Variants in EPHA6 observed in about 807,000 individuals in gnomAD.
The protein encoded by EPHA6 is EPH receptor A6, also known as ephrin type-A receptor 6.
Under a neutral mutation model 112.0 loss-of-function variants are expected in EPHA6, and 50 were observed. The observed-to-expected ratio is 0.45, with a 90% CI of 0.36 to 0.56. EPHA6 has a LOEUF of 0.56. EPHA6 is among the 20% of genes least tolerant of loss of function. EPHA6 has a pLI of 0.00. For missense variants in EPHA6, 1,280 were observed against 1,417.4 expected, an observed-to-expected ratio of 0.90 and a Z score of 1.56; for synonymous variants, 529 against 490.7, an observed-to-expected ratio of 1.08 and a Z score of -1.03.
At chr3:97,566,389 C>T (rs752395677) in intron 11 of EPHA6, among the ~76,000 whole-genome samples, 1 of 152,176 alleles carries the variant, frequency 6.6e-6, no homozygotes, top group Non-Finnish European at 1.5e-5. Flanking sequence ...TATATCAGTA[C>T]TCAACCTATC....
chr3:97,732,554 C>A, intron 15 of EPHA6, among the ~76,000 whole-genome samples: 1 of 152,114 alleles, frequency 6.6e-6, no homozygotes, highest in African/African-American at 2.4e-5. Flanking sequence ...ATTTAAAAAT[C>A]TGTTAGAAAC....
At chr3:97,025,858 G>A (rs1449840327) in intron 3 of EPHA6, among the ~76,000 whole-genome samples, 1 of 152,094 alleles carries the variant, frequency 6.6e-6, no homozygotes, top group African/African-American at 2.4e-5. Context: ...AAAGTGCTGG[G>A]ATTTCAGGTC....
rs149925309 is a variant in EPHA6 at position 97,142,723 on chromosome 3, A to G, written c.1115-83541A>G. On this transcript the variant is annotated intron_variant, in intron 3 of 17. Coordinates refer to ENST00000389672, the MANE Select transcript of EPHA6 (RefSeq NM_001080448.3). The stretch of plus-strand genomic sequence containing the variant: ...CCAGACCAAATGGATTCACAGCCCA[A>G]TCTTACCAGACTATCTATCTCAATA... Among the ~76,000 whole-genome samples, 134 of 152,008 alleles carry G rather than the reference A, an allele frequency of 8.8e-4. 1 individual carries two copies. Among genetic ancestry groups the G allele is most frequent in the African/African-American group, 3.0e-3 (123 of 41,534 alleles).
At chr3:96,841,467 C>T (rs539179570) in intron 1 of EPHA6, among the ~76,000 whole-genome samples, 5 of 152,076 alleles carry the variant, frequency 3.3e-5, no homozygotes, top group South Asian at 2.1e-4. Context: ...ATTTTCTAGC[C>T]GGCTTTGTGG....
At chr3:97,178,736 T>A (rs866697768) in intron 3 of EPHA6, among the ~76,000 whole-genome samples, 1 of 152,170 alleles carries the variant, frequency 6.6e-6, no homozygotes, top group Non-Finnish European at 1.5e-5. Context: ...CTCCATTGTA[T>A]GTTATTCGTT....
chr3:97,229,989 T>TA (rs2078476723), intron 4 of EPHA6, among the ~76,000 whole-genome samples: 1 of 152,134 alleles, frequency 6.6e-6, no homozygotes, highest in African/African-American at 2.4e-5. Context: ...ATCTTCCTAT[T>TA]ACTATACATG....
At chr3:97,209,626 A>G (rs1337103411) in intron 3 of EPHA6, among the ~76,000 whole-genome samples, 1 of 152,338 alleles carries the variant, frequency 6.6e-6, no homozygotes, top group East Asian at 1.9e-4. Context: ...CTTAGTAAAA[A>G]TTGTATAGTT....
intron 2 of EPHA6, among the ~76,000 whole-genome samples, chr3:96,915,796 A>G (rs539386617): frequency 6.6e-6 from 1 of 152,096 alleles, no homozygotes; most frequent in Non-Finnish European, 1.5e-5. Flanking sequence ...TGTTCTTAGC[A>G]CTTTGTATAA....
At chr3:97,346,992 G>A (rs9853769) in intron 5 of EPHA6, among the ~76,000 whole-genome samples, 15,595 of 152,002 alleles carry the variant, frequency 0.1, 1,538 homozygotes, top group African/African-American at 0.22. Context: ...TTGGGCTTAC[G>A]TGGAGCAAGA....
rs559035349 is a variant in EPHA6 at position 97,078,202 on chromosome 3, G to A, written c.1114+90209G>A. On this transcript the variant is annotated intron_variant, in intron 3 of 17. Transcript: ENST00000389672. ...CTGCATAAATGTCTTCTTTTGAGAAGTGTCTGTTCATATCCTTTGCCCATT... is the reference window on the plus strand; with the variant it reads ...CTGCATAAATGTCTTCTTTTGAGAAATGTCTGTTCATATCCTTTGCCCATT... Among the ~76,000 whole-genome samples, 19 of 152,278 alleles carry A rather than the reference G, an allele frequency of 1.2e-4. No homozygotes were observed. The East Asian group carries it at 3.7e-3, about 29-fold the overall frequency.
At chr3:96,836,930 T>C (rs1311494504) in intron 1 of EPHA6, among the ~76,000 whole-genome samples, 1 of 152,126 alleles carries the variant, frequency 6.6e-6, no homozygotes, top group Non-Finnish European at 1.5e-5. Flanking sequence ...TAGATACCAT[T>C]ATTATTCCCC....
At chr3:97,655,928 C>A (rs1379330564) in intron 14 of EPHA6, among the ~76,000 whole-genome samples, 1 of 151,870 alleles carries the variant, frequency 6.6e-6, no homozygotes, top group Non-Finnish European at 1.5e-5. Flanking sequence ...AGAAAGATCT[C>A]TTAGTCTTTG....
chr3:97,202,826 G>A (rs973412706), intron 3 of EPHA6, among the ~76,000 whole-genome samples: 13 of 152,094 alleles, frequency 8.5e-5, no homozygotes, highest in Non-Finnish European at 2.9e-5. Flanking sequence ...TTCTGCTCTT[G>A]AGAATAGCAG....
chr3:97,202,008 T>A (rs1206047158), intron 3 of EPHA6, among the ~76,000 whole-genome samples: 1 of 152,128 alleles, frequency 6.6e-6, no homozygotes, highest in African/African-American at 2.4e-5. Context: ...ATGCTGATGA[T>A]GCTGTTTTTA....
intron 2 of EPHA6, among the ~76,000 whole-genome samples, chr3:96,968,734 T>C (rs993467397): frequency 1.5e-4 from 23 of 152,032 alleles, no homozygotes; most frequent in African/African-American, 5.5e-4. Context: ...TGCAATATAA[T>C]GTGCAATATT....
At chr3:97,587,236 G>A (rs1401097738) in intron 11 of EPHA6, among the ~76,000 whole-genome samples, 7 of 149,640 alleles carry the variant, frequency 4.7e-5, no homozygotes, top group African/African-American at 1.7e-4. Context: ...ATGAGACTCC[G>A]TCTCAAAAAA....
intron 3 of EPHA6, among the ~76,000 whole-genome samples, chr3:97,197,787 T>A (rs1480581571): frequency 2.0e-5 from 3 of 152,002 alleles, no homozygotes; most frequent in African/African-American, 7.2e-5. Context: ...GCCTTTCAAC[T>A]TTATTTAGAA....
intron 3 of EPHA6, among the ~76,000 whole-genome samples, chr3:96,992,374 A>G (rs2043248633): frequency 1.3e-5 from 2 of 152,102 alleles, no homozygotes; most frequent in South Asian, 4.1e-4. Context: ...ACACCCAGTT[A>G]TTTGCTTACA....
intron 5 of EPHA6, among the ~76,000 whole-genome samples, chr3:97,379,015 T>A (rs576157524): frequency 6.6e-6 from 1 of 152,164 alleles, no homozygotes; most frequent in South Asian, 2.1e-4. Flanking sequence ...TGGAATGTTA[T>A]GGTTTGGCTC....
Sources: allele counts gnomAD v4.1 joint callset (sites outside exome capture counted in the v4.1 genomes callset), GRCh38; gene constraint gnomAD v4.1.1; transcripts MANE v1.5; gene names NCBI Gene and HGNC (gene_info 2026-07-23, HGNC 2026-07-21).